Variants in MAGED1 observed in about 807,000 individuals in gnomAD.
MAGED1 encodes the protein melanoma-associated antigen D1.
MAGED1 carries 3 observed loss-of-function variants against 54.1 expected under a neutral mutation model. The ratio of observed to expected loss-of-function variants is 0.06; its 90% CI spans 0.03 to 0.14. The LOEUF (loss-of-function observed/expected upper bound fraction) is 0.14. Among genes scored for constraint, MAGED1 ranks in the 10% least tolerant of loss-of-function variants. MAGED1 has a pLI of 1.00. For missense variants in MAGED1, 485 were observed against 623.4 expected, an observed-to-expected ratio of 0.78 and a Z score of 2.36; for synonymous variants, 217 against 227.3, an observed-to-expected ratio of 0.95 and a Z score of 0.41.
intron 1 of MAGED1, among the ~76,000 whole-genome samples, chrX:51,805,472 A>G (rs2146944654): frequency 9.1e-6 from 1 of 110,439 alleles, no homozygotes; most frequent in South Asian, 3.9e-4. Context: ...CTTAATGAGA[A>G]ATAAAAAATA....
intron 1 of MAGED1, among the ~76,000 whole-genome samples, chrX:51,818,291 A>G (rs1925503654): frequency 8.9e-6 from 1 of 111,760 alleles, no homozygotes; most frequent in African/African-American, 3.3e-5. Context: ...GTGACCCTCC[A>G]TATCCAGCTG....
At position 51,901,860 on chromosome X, in the gene MAGED1, G is replaced by A; in HGVS notation, c.2267G>A (p.Gly756Asp). 8.3e-7 allele frequency: 1 copy of A among 1,211,089 alleles called. No individual in the cohort carries two copies. The highest frequency in any genetic ancestry group is 1.8e-5 in the South Asian group (1 of 56,790). The change falls in exon 12 of 13, where the codon GGT (glycine) becomes GAT (aspartate). Residue 756 changes from glycine to aspartate, a missense_variant. Coordinates refer to ENST00000326587, the MANE Select transcript of MAGED1 (RefSeq NM_006986.4). ...CAGACCTTTGCCGGTCCCATTATTG[G>A]TCCTGGTGGTACAGCCAGTGCCAAC... ...FPQTFAGPII[G>D]PGGTASANFA... is the part of the protein sequence containing the mutation.
At chrX:51,811,189 A>G (rs968659363) in intron 1 of MAGED1, among the ~76,000 whole-genome samples, 19 of 111,751 alleles carry the variant, frequency 1.7e-4, no homozygotes, top group African/African-American at 5.5e-4. Flanking sequence ...AAGATATGAC[A>G]TTAAAAATAG....
chrX:51,813,963 C>T (rs1925314645), intron 1 of MAGED1, among the ~76,000 whole-genome samples: 1 of 111,144 alleles, frequency 9.0e-6, no homozygotes, highest in African/African-American at 3.3e-5. Context: ...TAAAGTAGCC[C>T]TGGATCATGT....
chrX:51,840,460 T>A (rs1926415701), intron 1 of MAGED1, among the ~76,000 whole-genome samples: 1 of 109,450 alleles, frequency 9.1e-6, no homozygotes, highest in Non-Finnish European at 1.9e-5. Flanking sequence ...ATATTTTAAG[T>A]TTTAGGGTAC....
chrX:51,879,763 C>G (rs1557362334), intron 1 of MAGED1, among the ~76,000 whole-genome samples: 1 of 111,969 alleles, frequency 8.9e-6, no homozygotes, highest in East Asian at 2.8e-4. Context: ...CCTGAAATTT[C>G]ATTTCTCTGA....
At chrX:51,827,945 G>A (rs782317396) in intron 1 of MAGED1, among the ~76,000 whole-genome samples, 23 of 111,290 alleles carry the variant, frequency 2.1e-4, no homozygotes, top group African/African-American at 6.2e-4. Context: ...ACTTGAAATC[G>A]GATAACATGA....
At chrX:51,806,785 A>T (rs1348428525) in intron 1 of MAGED1, among the ~76,000 whole-genome samples, 2 of 61,913 alleles carry the variant, frequency 3.2e-5, no homozygotes, top group Non-Finnish European at 5.9e-5. Flanking sequence ...AAGACTCCTA[A>T]CATAATTTTT....
chrX:51,808,852 A>G (rs1248028695), intron 1 of MAGED1, among the ~76,000 whole-genome samples: 1 of 112,691 alleles, frequency 8.9e-6, no homozygotes, highest in Non-Finnish European at 1.9e-5. Flanking sequence ...TACACAGGTG[A>G]ATAACTCAGT....
At chrX:51,900,891 C>T (rs781898629) in intron 11 of MAGED1, among the ~76,000 whole-genome samples, 2 of 112,605 alleles carry the variant, frequency 1.8e-5, no homozygotes, top group South Asian at 3.7e-4. Context: ...GCCTCAGCCT[C>T]CCAAAGTGTT....
At chrX:51,857,903 C>T (rs367719651) in intron 1 of MAGED1, 2 of 112,349 alleles carry the variant, frequency 1.8e-5, no homozygotes, top group Non-Finnish European at 3.8e-5. Context: ...ATAGCGAGTT[C>T]GCTTAAATGC....
chrX:51,876,238 T>C (rs782191379), intron 1 of MAGED1, among the ~76,000 whole-genome samples: 126 of 110,929 alleles, frequency 1.1e-3, no homozygotes, highest in African/African-American at 1.5e-3. Context: ...TTCTTTCTTT[T>C]TTTTTTTTTC....
intron 1 of MAGED1, among the ~76,000 whole-genome samples, chrX:51,859,566 G>T (rs1199974327): frequency 5.4e-5 from 6 of 111,776 alleles, no homozygotes; most frequent in Non-Finnish European, 1.1e-4. Flanking sequence ...CTGAATAAAT[G>T]GCCCCCCAAA....
intron 2 of MAGED1, chrX:51,894,822 C>T (rs1401783006): frequency 8.8e-7 from 1 of 1,139,390 alleles, no homozygotes; most frequent in South Asian, 2.2e-5. Context: ...GCATACCGCC[C>T]CACCCCTCAT....
intron 1 of MAGED1, among the ~76,000 whole-genome samples, chrX:51,876,928 A>AT (rs1927889673): frequency 9.0e-6 from 1 of 111,484 alleles, no homozygotes; most frequent in Non-Finnish European, 1.9e-5. Context: ...TCTGAATCGG[A>AT]TTTTTTATCA....
At chrX:51,813,574 C>T (rs1427405890) in intron 1 of MAGED1, among the ~76,000 whole-genome samples, 1 of 112,103 alleles carries the variant, frequency 8.9e-6, no homozygotes, top group Non-Finnish European at 1.9e-5. Flanking sequence ...CCCAGAAATG[C>T]ATTGTTTATG....
upstream of MAGED1, among the ~76,000 whole-genome samples, chrX:51,889,640 A>AG (rs1333036074): frequency 1.9e-5 from 2 of 106,683 alleles, no homozygotes; most frequent in African/African-American, 3.4e-5. Context: ...AAAAAAAAAA[A>AG]AAAAAAAAAA....
chrX:51,897,684 C>T, intron 6 of MAGED1, 58 bp downstream of exon 6: 1 of 1,109,881 alleles, frequency 9.0e-7, no homozygotes, highest in Non-Finnish European at 1.2e-6. Context: ...TTCAAAGATT[C>T]ATGGGGTTCC....
chrX:51,873,558 A>AGAGG (rs1927768671), intron 1 of MAGED1, among the ~76,000 whole-genome samples: 1 of 105,819 alleles, frequency 9.5e-6, no homozygotes, highest in African/African-American at 3.5e-5. Context: ...AGAGAGAGAG[A>AGAGG]GAAGTTGGGG....
Sources: allele counts gnomAD v4.1 joint callset (sites outside exome capture counted in the v4.1 genomes callset), GRCh38; gene constraint gnomAD v4.1.1; transcripts MANE v1.5; gene names NCBI Gene and HGNC (gene_info 2026-07-23, HGNC 2026-07-21).